Variants in PHF21B observed in about 807,000 individuals in gnomAD.
The protein encoded by PHF21B is PHD finger protein 21B.
A neutral mutation model predicts 62.2 loss-of-function variants in PHF21B; 22 were observed. That is an observed-to-expected ratio of 0.35 (90% CI 0.25 to 0.51). The LOEUF (loss-of-function observed/expected upper bound fraction) is 0.51, where lower values mean the gene tolerates loss of function less well. Among genes scored for constraint, PHF21B ranks in the 20% least tolerant of loss-of-function variants. PHF21B has a pLI of 0.97. For synonymous variants in PHF21B, 341 were observed against 314.7 expected, an observed-to-expected ratio of 1.08 and a Z score of -0.88; for missense variants, 701 against 707.9, an observed-to-expected ratio of 0.99 and a Z score of 0.11.
intron 7 of PHF21B, among the ~76,000 whole-genome samples, chr22:44,892,431 G>A (rs943262438): frequency 6.6e-6 from 1 of 152,226 alleles, no homozygotes; most frequent in African/African-American, 2.4e-5. Context: ...ACTGGCTGCC[G>A]CTCTGCGCGA....
rs926971283 is a variant in PHF21B, at chr22:44,999,982, G to T, written c.120+8563C>A. On this transcript the variant is annotated intron_variant, in intron 2 of 12. Coordinates refer to ENST00000313237, the MANE Select transcript of PHF21B (RefSeq NM_138415.5). ...CGGCCTCTCGAAGATTGTTTCTTGAGTGCTCACCGAGCACCAGGCACTCTG... is the reference window on the plus strand; with the variant it reads ...CGGCCTCTCGAAGATTGTTTCTTGATTGCTCACCGAGCACCAGGCACTCTG... Among the ~76,000 whole-genome samples the T allele has an allele frequency of 5.3e-5, 8 of 152,250 alleles. No homozygotes were observed. The South Asian group carries it at 1.7e-3, about 32-fold the overall frequency.
chr22:44,949,995 C>T (rs1601634241), intron 2 of PHF21B, among the ~76,000 whole-genome samples: 1 of 152,284 alleles, frequency 6.6e-6, no homozygotes, highest in Non-Finnish European at 1.5e-5. Flanking sequence ...GATGACACAG[C>T]GTGTGGACTC....
At chr22:44,921,338 C>A (rs1020544291) in intron 2 of PHF21B, among the ~76,000 whole-genome samples, 1 of 151,610 alleles carries the variant, frequency 6.6e-6, no homozygotes, top group East Asian at 2.0e-4. Flanking sequence ...ACCCACAGCC[C>A]CCGATGGAAC....
In PHF21B at chr22:45,009,749, G is replaced by A; in HGVS notation, c.-200C>T. 1 of 440,486 alleles carries A rather than the reference G, an allele frequency of 2.3e-6. No individual in the cohort carries two copies. The highest frequency in any genetic ancestry group is 4.0e-6 in the Non-Finnish European group (1 of 250,966). 27.3% of individuals were successfully genotyped at this position (440,486 alleles called of 1,614,324 possible). A position where few individuals can be genotyped will look rare whatever the true frequency, so the allele number is the denominator to read the frequency against. ...AGGCTTCCGGGCGCCGCGGCGCCGA[G>A]CCCTCGGCTGCCCCAACTCCTCAGG... is the stretch of plus-strand genomic sequence containing the variant. On this transcript the variant is annotated 5_prime_UTR_variant, in exon 1 of 13. Transcript: ENST00000313237. This position sits in a 1 kb window ranked among gnomAD's most constrained non-coding sequence, Gnocchi z 5.9.
intron 7 of PHF21B, 61 bp from the exon 8 acceptor site, chr22:44,891,421 C>T (rs1004092316): frequency 1.1e-5 from 17 of 1,578,302 alleles, no homozygotes; most frequent in Middle Eastern, 1.7e-4. Context: ...TCGATGGTGA[C>T]GTCACCCCAG....
chr22:44,998,333 G>T (rs560302316), intron 2 of PHF21B, among the ~76,000 whole-genome samples: 2 of 152,298 alleles, frequency 1.3e-5, no homozygotes, highest in East Asian at 3.9e-4. Context: ...TGGGGCCAGC[G>T]GCTTCAGAAA....
At chr22:45,003,438 T>G (rs1388599105) in intron 2 of PHF21B, 1 of 151,980 alleles carries the variant, frequency 6.6e-6, no homozygotes, top group Non-Finnish European at 1.5e-5. Context: ...TCTAGGAAGA[T>G]CTACACAAGC....
intron 5 of PHF21B, chr22:44,902,488 G>A (rs78163346): frequency 0.032 from 5,386 of 167,108 alleles, 293 homozygotes; most frequent in African/African-American, 0.12. Flanking sequence ...TTTGAATTTC[G>A]TATACTTTTC....
chr22:44,972,270 T>C (rs555578617), intron 2 of PHF21B, among the ~76,000 whole-genome samples: 30 of 152,372 alleles, frequency 2.0e-4, no homozygotes, highest in African/African-American at 5.3e-4. Flanking sequence ...AATGAAAATA[T>C]GAAAGGTGAT....
chr22:45,007,040 GC>G (rs2073326949), intron 2 of PHF21B, among the ~76,000 whole-genome samples: 2 of 151,940 alleles, frequency 1.3e-5, no homozygotes, highest in African/African-American at 4.8e-5. Flanking sequence ...GGGGCCGCGC[GC>G]CGGGCCCCCC....
chr22:44,967,666 C>T (rs946647743), intron 2 of PHF21B, among the ~76,000 whole-genome samples: 4 of 152,218 alleles, frequency 2.6e-5, no homozygotes, highest in African/African-American at 9.7e-5. Flanking sequence ...GTGCATCTGC[C>T]TCCACTAGGG....
chr22:44,884,088 GCCACCA>G (rs1210942265), intron 12 of PHF21B, among the ~76,000 whole-genome samples: 1 of 71,942 alleles, frequency 1.4e-5, no homozygotes, highest in African/African-American at 6.2e-5. Flanking sequence ...TATCACCACC[GCCACCA>G]CCATCACTGT....
At chr22:44,898,892 T>C (rs1169685111) in intron 5 of PHF21B, among the ~76,000 whole-genome samples, 1 of 152,228 alleles carries the variant, frequency 6.6e-6, no homozygotes, top group Non-Finnish European at 1.5e-5. Flanking sequence ...GAAAATTCCA[T>C]CTTCCCGTGT....
intron 5 of PHF21B, among the ~76,000 whole-genome samples, chr22:44,905,132 C>T (rs2147280425): frequency 6.6e-6 from 1 of 152,326 alleles, no homozygotes; most frequent in South Asian, 2.1e-4. Context: ...CTTTGCTTCT[C>T]CACCTGCCCT....
chr22:44,912,744 A>G (rs1419922440), intron 5 of PHF21B, among the ~76,000 whole-genome samples: 2 of 151,994 alleles, frequency 1.3e-5, no homozygotes. Context: ...CAGTAGTGGT[A>G]GTGCACACCT....
At chr22:44,963,802 C>A (rs1020719369) in intron 2 of PHF21B, among the ~76,000 whole-genome samples, 1 of 152,254 alleles carries the variant, frequency 6.6e-6, no homozygotes, top group Non-Finnish European at 1.5e-5. Flanking sequence ...CCACCCCACA[C>A]CTCTGCTCAA....
intron 2 of PHF21B, among the ~76,000 whole-genome samples, chr22:44,976,213 A>T (rs182368576): frequency 2.1e-4 from 32 of 152,330 alleles, no homozygotes; most frequent in Admixed American, 1.6e-3. Context: ...CTACATATTC[A>T]TGGGGTACAG....
rs753900045 is a variant in PHF21B at position 44,913,954 on chromosome 22, G to A, written c.699C>T (p.Ile233=). 25 of 1,432,960 alleles carry A rather than the reference G, an allele frequency of 1.7e-5. No individual in the cohort carries two copies. The Admixed American group carries it at 4.6e-4, about 27-fold the overall frequency. The allele number at this position is 1,432,960 out of a possible 1,614,324, so 88.8% of individuals were successfully genotyped here. ...GCTGCGTCTGCACTTGAGGCTGAAT[G>A]ATGATGACCTGGAAGATGCCATGGA... is the stretch of plus-strand genomic sequence containing the variant. ...SPLHGIFQVI[I]IQPQVQTQPE... The change falls in exon 5 of 13, where the codon ATC becomes ATT. Residue 233 remains isoleucine, a synonymous_variant. Transcript: ENST00000313237.
intron 2 of PHF21B, among the ~76,000 whole-genome samples, chr22:44,984,709 G>C (rs191839963): frequency 1.3e-5 from 2 of 152,218 alleles, no homozygotes; most frequent in Non-Finnish European, 2.9e-5. Flanking sequence ...TAAGGTGATA[G>C]GACTGCTTAT....
Sources: allele counts gnomAD v4.1 joint callset (sites outside exome capture counted in the v4.1 genomes callset), GRCh38; gene constraint gnomAD v4.1.1; non-coding constraint Gnocchi (gnomAD v3.1); transcripts MANE v1.5; gene names NCBI Gene and HGNC (gene_info 2026-07-23, HGNC 2026-07-21).